Variants in INPP5A observed in about 807,000 individuals in gnomAD.
The protein encoded by INPP5A is 43 kDa inositol polyphosphate 5-phophatase.
In INPP5A, 14 loss-of-function variants were observed where a neutral mutation model predicts 65.2. The observed-to-expected ratio is 0.21, with a 90% CI of 0.14 to 0.34. INPP5A has a LOEUF of 0.34. INPP5A is among the 10% of genes least tolerant of loss of function. INPP5A has a pLI of 1.00. For missense variants in INPP5A, 431 were observed against 545.6 expected, an observed-to-expected ratio of 0.79 and a Z score of 2.09; for synonymous variants, 207 against 208.3, an observed-to-expected ratio of 0.99 and a Z score of 0.05.
intron 1 of INPP5A, among the ~76,000 whole-genome samples, chr10:132,540,629 C>T (rs1424535685): frequency 5.3e-5 from 8 of 152,200 alleles, no homozygotes; most frequent in Admixed American, 2.6e-4. Flanking sequence ...GAAGCCTGGC[C>T]GGTGGAAGGA....
chr10:132,715,165 ATCCACTGAGGCG>A (rs1182351448), intron 8 of INPP5A, among the ~76,000 whole-genome samples: 5 of 152,250 alleles, frequency 3.3e-5, no homozygotes, highest in African/African-American at 1.2e-4. Flanking sequence ...CCTAGGCACC[ATCCACTGAGGCG>A]TCCCGAAACC....
intron 4 of INPP5A, among the ~76,000 whole-genome samples, chr10:132,677,035 GACCCCCACCATCACCC>G (rs1308872343): frequency 1.3e-5 from 1 of 79,738 alleles, no homozygotes; most frequent in Non-Finnish European, 2.8e-5. Flanking sequence ...TTCACATGGT[GACCCCCACCATCACCC>G]AGGCACCTGT....
At chr10:132,589,808 T>C (rs937460844) in intron 1 of INPP5A, among the ~76,000 whole-genome samples, 1 of 152,208 alleles carries the variant, frequency 6.6e-6, no homozygotes, top group African/African-American at 2.4e-5. Context: ...ACTCTCGCCC[T>C]GTGCAGACCA....
At chr10:132,580,750 C>T (rs536104851) in intron 1 of INPP5A, among the ~76,000 whole-genome samples, 27 of 152,304 alleles carry the variant, frequency 1.8e-4, no homozygotes, top group African/African-American at 5.5e-4. Context: ...ATGTTTTACT[C>T]TACTTGTTTT....
At position 132,762,622 on chromosome 10, in the gene INPP5A, TGAA is replaced by T. The variant is rs1342668317; in HGVS notation, c.904-3146_904-3144del. ...GCTGAGCTTCTGGAGCAGGGTGGGA[TGAA>T]GAAGGAAGAAGAACATTTGTGTAAA... On this transcript the variant is annotated intron_variant, in intron 11 of 15. Transcript: ENST00000368594. This position sits in a 1 kb window ranked among gnomAD's most constrained non-coding sequence, Gnocchi z 4.6. Among the ~76,000 whole-genome samples, 2 of 151,770 alleles carry T rather than the reference TGAA, an allele frequency of 1.3e-5. No homozygotes were observed. Among genetic ancestry groups the T allele is most frequent in the East Asian group, 3.9e-4 (2 of 5,160 alleles).
At chr10:132,595,785 A>G (rs780957070) in intron 1 of INPP5A, among the ~76,000 whole-genome samples, 3 of 152,184 alleles carry the variant, frequency 2.0e-5, no homozygotes, top group Non-Finnish European at 2.9e-5. Flanking sequence ...ATTCTCTTAT[A>G]AATGATGCTA....
intron 11 of INPP5A, among the ~76,000 whole-genome samples, chr10:132,763,904 C>T (rs113044770): frequency 0.02 from 3,024 of 152,394 alleles, 83 homozygotes; most frequent in African/African-American, 0.068. Context: ...CACATAAACA[C>T]GCATGTGCAG....
chr10:132,586,156 G>A (rs570199227), intron 1 of INPP5A, among the ~76,000 whole-genome samples: 3 of 152,240 alleles, frequency 2.0e-5, no homozygotes, highest in African/African-American at 4.8e-5. Flanking sequence ...GGCTGGACGC[G>A]CCCTGTGCTT....
intron 8 of INPP5A, among the ~76,000 whole-genome samples, chr10:132,720,621 T>C (rs1845853383): frequency 6.7e-6 from 1 of 150,146 alleles, no homozygotes; most frequent in Non-Finnish European, 1.5e-5. Context: ...GGTTCTGTGG[T>C]ACCTGGGTTC....
In INPP5A at chr10:132,674,787, C is replaced by G. The variant is rs561120299; in HGVS notation, c.307-15605C>G. Among the ~76,000 whole-genome samples the G allele has an allele frequency of 1.3e-5, 2 of 152,254 alleles. No individual in the cohort carries two copies. Among genetic ancestry groups the G allele is most frequent in the East Asian group, 3.9e-4 (2 of 5,180 alleles). On this transcript the variant is annotated intron_variant, in intron 4 of 15. Coordinates refer to ENST00000368594, the MANE Select transcript of INPP5A (RefSeq NM_005539.5). This position sits in a 1 kb window ranked among gnomAD's most constrained non-coding sequence, Gnocchi z 4.4. ...ACTTGATGACCCATAGACAAACGTT[C>G]AGTTTCCACCAAAGCCCAGTAACAG...
At chr10:132,765,113 T>G (rs1846818940) in intron 11 of INPP5A, among the ~76,000 whole-genome samples, 1 of 148,078 alleles carries the variant, frequency 6.8e-6, no homozygotes, top group Non-Finnish European at 1.5e-5. Context: ...GTGGTGACAC[T>G]CAGGAACATG....
intron 4 of INPP5A, among the ~76,000 whole-genome samples, chr10:132,682,872 A>G (rs1411893181): frequency 6.6e-6 from 1 of 150,418 alleles, no homozygotes; most frequent in Non-Finnish European, 1.5e-5. Context: ...TTATATACAT[A>G]TGCACGCACG....
At chr10:132,764,797 G>A (rs1846807894) in intron 11 of INPP5A, among the ~76,000 whole-genome samples, 2 of 141,780 alleles carry the variant, frequency 1.4e-5, no homozygotes, top group African/African-American at 2.7e-5. Flanking sequence ...AAACACGGTC[G>A]GGCCAGTCCT....
At chr10:132,760,424 C>G (rs977313569) in intron 11 of INPP5A, among the ~76,000 whole-genome samples, 3 of 152,272 alleles carry the variant, frequency 2.0e-5, no homozygotes, top group African/African-American at 7.2e-5. Flanking sequence ...TGTGGGCCCG[C>G]TGTGAGCAGA....
At position 132,603,029 on chromosome 10, in the gene INPP5A, A is replaced by AG. The variant is rs766369317; in HGVS notation, c.76-4884dup. On this transcript the variant is annotated intron_variant, in intron 1 of 15. Transcript: ENST00000368594. The surrounding 1 kb of genome is among the most constrained non-coding windows in gnomAD (Gnocchi z 4.2). ...TTTAGTTTCTTTGTGGAATAAAGAA[A>AG]GGATCTAATATAGCATTTTAAAAGT... Among the ~76,000 whole-genome samples the AG allele has an allele frequency of 3.9e-5, 6 of 152,238 alleles. No individual in the cohort carries two copies. The highest frequency in any genetic ancestry group is 8.8e-5 in the Non-Finnish European group (6 of 68,044).
At chr10:132,758,346 C>T (rs1461473781) in intron 11 of INPP5A, among the ~76,000 whole-genome samples, 6 of 126,594 alleles carry the variant, frequency 4.7e-5, no homozygotes, top group East Asian at 2.6e-4. Context: ...GGCACCATGG[C>T]GTGGGTCCCC....
rs986851488 is a variant in INPP5A, at chr10:132,708,232, G to A, written c.475-81G>A. The A allele has an allele frequency of 1.3e-5, 16 of 1,250,442 alleles. No homozygotes were observed. The African/African-American group carries it at 1.5e-4, about 12-fold the overall frequency. 77.5% of individuals were successfully genotyped at this position (1,250,442 alleles called of 1,614,324 possible). ...GTTTTTTGTTTGGAAAGCATCTCCT[G>A]TGTCCTTTAGGTGTGTGGGACCCAC... On this transcript the variant is annotated intron_variant, in intron 6 of 15. Coordinates refer to ENST00000368594, the MANE Select transcript of INPP5A (RefSeq NM_005539.5).
chr10:132,631,426 A>AGCG (rs2133374093), intron 2 of INPP5A, among the ~76,000 whole-genome samples: 1 of 152,340 alleles, frequency 6.6e-6, no homozygotes, highest in Admixed American at 6.5e-5. Flanking sequence ...GATTTTAAAC[A>AGCG]GGGTGTTTTC....
chr10:132,601,820 C>T (rs1003415186), intron 1 of INPP5A, among the ~76,000 whole-genome samples: 1 of 152,242 alleles, frequency 6.6e-6, no homozygotes, highest in African/African-American at 2.4e-5. Flanking sequence ...TATTCCATTC[C>T]ATTGGTCCAC....
Sources: gnomAD v4.1 joint callset for allele counts (sites outside exome capture counted in the v4.1 genomes callset) on GRCh38, gnomAD v4.1.1 for gene constraint, Gnocchi (gnomAD v3.1) non-coding constraint, MANE v1.5 for transcripts, NCBI Gene and HGNC (gene_info 2026-07-23, HGNC 2026-07-21) for gene names.